The following NLGN4X variants were observed in gnomAD, a reference collection of about 807,000 sequenced individuals.
The protein encoded by NLGN4X is neuroligin 4 X-linked.
A neutral mutation model predicts 40.3 loss-of-function variants in NLGN4X; 3 were observed. The ratio of observed to expected loss-of-function variants is 0.07; its 90% CI spans 0.03 to 0.19. The LOEUF is 0.19. NLGN4X is among the 10% of genes least tolerant of loss of function. The probability of loss-of-function intolerance (pLI) is 1.00; values close to 1 mark genes in which losing one functional copy is unlikely to be tolerated. For missense variants in NLGN4X, 382 were observed against 708.3 expected (o/e 0.54, Z 5.23); for synonymous variants, 270 against 306.8 (o/e 0.88, Z 1.25).
chrX:5,893,707 C>G, intron 5 of NLGN4X, 41 bp from the exon 6 acceptor site: 1 of 1,197,358 alleles, frequency 8.4e-7, no homozygotes, highest in Non-Finnish European at 1.1e-6. Context: ...TCATACTCTT[C>G]CACATGTGAC....
intron 3 of NLGN4X, among the ~76,000 whole-genome samples, chrX:5,968,485 G>C (rs1175695948): frequency 5.9e-5 from 5 of 85,212 alleles, no homozygotes; most frequent in African/African-American, 1.3e-4. Flanking sequence ...GTGTGTGTGT[G>C]TGTGTGTGTG....
chrX:6,224,271 A>C (rs1262045483), intron 1 of NLGN4X, among the ~76,000 whole-genome samples: 1 of 112,726 alleles, frequency 8.9e-6, no homozygotes, highest in Non-Finnish European at 1.9e-5. Context: ...TTAAAAAGAA[A>C]GAATGTTAAA....
chrX:6,043,160 A>C (rs4384117), intron 2 of NLGN4X, among the ~76,000 whole-genome samples: 30,318 of 100,323 alleles, frequency 0.3, 3,349 homozygotes, highest in African/African-American at 0.33. Context: ...CACACACACA[A>C]ACACACGTAT....
intron 1 of NLGN4X, among the ~76,000 whole-genome samples, chrX:6,197,427 AT>A (rs72412595): frequency 0.1 from 7,890 of 79,274 alleles, 410 homozygotes; most frequent in Middle Eastern, 0.15. Flanking sequence ...ATGCTCAGCT[AT>A]TTTTTTTTTT....
At chrX:5,962,399 T>A in intron 3 of NLGN4X, among the ~76,000 whole-genome samples, 1 of 111,970 alleles carries the variant, frequency 8.9e-6, no homozygotes, top group Non-Finnish European at 1.9e-5. Context: ...CAAGGTCTTA[T>A]GAAGTCAGAG....
intron 2 of NLGN4X, among the ~76,000 whole-genome samples, chrX:6,142,337 CTTTTTGAGCTGGGGGAGAGACACA>C (rs1158347579): frequency 1.8e-5 from 2 of 112,284 alleles, no homozygotes; most frequent in African/African-American, 6.5e-5. Flanking sequence ...TTGCTGAAAG[CTTTTTGAGCTGGGGGAGAGACACA>C]TGCTATCGGA....
chrX:5,912,306 C>T (rs2032515800), intron 3 of NLGN4X, among the ~76,000 whole-genome samples: 1 of 111,073 alleles, frequency 9.0e-6, no homozygotes, highest in Admixed American at 9.6e-5. Context: ...CTGGGTGCAC[C>T]AGGGCTGTTT....
chrX:6,117,098 G>A (rs2039320319), intron 2 of NLGN4X, among the ~76,000 whole-genome samples: 1 of 111,197 alleles, frequency 9.0e-6, no homozygotes, highest in South Asian at 3.8e-4. Context: ...AGTTTTGTGG[G>A]ATTAGCCATT....
At chrX:6,116,120 C>T (rs766170064) in intron 2 of NLGN4X, among the ~76,000 whole-genome samples, 3 of 105,736 alleles carry the variant, frequency 2.8e-5, no homozygotes, top group Admixed American at 2.1e-4. Flanking sequence ...GGTGAAACCC[C>T]GTCTCTACTC....
intron 4 of NLGN4X, among the ~76,000 whole-genome samples, chrX:5,904,314 GT>G (rs2032065536): frequency 1.8e-5 from 2 of 111,627 alleles, no homozygotes; most frequent in East Asian, 5.6e-4. Flanking sequence ...GCAAAACTAG[GT>G]ATCTCTTCAT....
chrX:6,225,833 G>C (rs1479374126), intron 1 of NLGN4X, among the ~76,000 whole-genome samples: 1 of 97,736 alleles, frequency 1.0e-5, no homozygotes, highest in Non-Finnish European at 2.0e-5. Flanking sequence ...AACCCTACGG[G>C]CAACGGATGC....
At chrX:6,140,463 C>CAG (rs2039923525) in intron 2 of NLGN4X, among the ~76,000 whole-genome samples, 1 of 43,385 alleles carries the variant, frequency 2.3e-5, no homozygotes, top group African/African-American at 1.2e-4. Flanking sequence ...CACAGACACA[C>CAG]ACACACACAC....
In NLGN4X at chrX:5,903,719, T is replaced by C. The variant is rs369373885; in HGVS notation, c.959A>G (p.Asn320Ser). The stretch of plus-strand genomic sequence containing the variant: ...CTGGATGAGCTCCTTGTAGTTCTTG[T>C]TCCGCAGGCATTCTACCATGTCCGT... ...DTTDMVECLR[N>S]KNYKELIQQT... Residue 320 changes from asparagine (N) to serine (S), a missense_variant, in exon 5 of 6, where the codon AAC becomes AGC. Coordinates refer to ENST00000381095, the MANE Select transcript of NLGN4X (RefSeq NM_181332.3). The C allele has an allele frequency of 1.3e-5, 16 of 1,211,872 alleles. No individual in the cohort carries two copies. The highest frequency in any genetic ancestry group is 1.7e-5 in the Non-Finnish European group (15 of 895,570).
In NLGN4X at chrX:6,096,884, A is replaced by C. The variant is rs1377373281; in HGVS notation, c.472+54111T>G. On this transcript the variant is annotated intron_variant, in intron 2 of 5. Coordinates refer to ENST00000381095, the MANE Select transcript of NLGN4X (RefSeq NM_181332.3). ...TGTTTCTGTATTAGATTGTGAAGGG[A>C]GGTTGGACTCGAAGTACGAAGTTGC... Among the ~76,000 whole-genome samples, 3 of 110,941 alleles carry C rather than the reference A, an allele frequency of 2.7e-5. 1 individual carries two copies. The highest frequency in any genetic ancestry group is 1.9e-4 in the Admixed American group (2 of 10,378).
intron 5 of NLGN4X, 76 bp from the exon 6 acceptor site, chrX:5,893,742 T>A (rs1447688320): frequency 1.8e-6 from 2 of 1,104,256 alleles, no homozygotes; most frequent in Admixed American, 2.4e-5. Context: ...AACCAATAAA[T>A]CAGGAAGTTA....
At chrX:6,135,819 G>C (rs1255052987) in intron 2 of NLGN4X, among the ~76,000 whole-genome samples, 1 of 111,774 alleles carries the variant, frequency 8.9e-6, no homozygotes, top group Non-Finnish European at 1.9e-5. Flanking sequence ...TGGCGCCAAA[G>C]TGCCAGATTC....
intron 3 of NLGN4X, among the ~76,000 whole-genome samples, chrX:5,977,368 A>G (rs1042561763): frequency 2.7e-5 from 3 of 110,049 alleles, no homozygotes; most frequent in East Asian, 2.9e-4. Context: ...CTACAGGCAC[A>G]TATCACCATG....
intron 2 of NLGN4X, among the ~76,000 whole-genome samples, chrX:6,050,810 A>ATCTATCTAT (rs1569208851): frequency 3.9e-5 from 2 of 50,913 alleles, no homozygotes; most frequent in African/African-American, 7.2e-5. Context: ...TATCTATCTA[A>ATCTATCTAT]CTATCTATAT....
At chrX:6,207,069 C>G (rs1197618612) in intron 1 of NLGN4X, among the ~76,000 whole-genome samples, 1 of 111,459 alleles carries the variant, frequency 9.0e-6, no homozygotes, top group Non-Finnish European at 1.9e-5. Context: ...CACACACACA[C>G]ACAGACATAT....
Sources: allele counts gnomAD v4.1 joint callset (sites outside exome capture counted in the v4.1 genomes callset), GRCh38; gene constraint gnomAD v4.1.1; transcripts MANE v1.5; gene names NCBI Gene and HGNC (gene_info 2026-07-23, HGNC 2026-07-21).